The following RCSD1 variants were observed in gnomAD, a reference collection of about 807,000 sequenced individuals.
The protein encoded by RCSD1 is RCSD domain containing 1.
In RCSD1, 26 loss-of-function variants were observed where a neutral mutation model predicts 42.5. The ratio of observed to expected loss-of-function variants is 0.61; its 90% CI spans 0.45 to 0.85. The LOEUF (loss-of-function observed/expected upper bound fraction) is 0.85, where lower values mean the gene tolerates loss of function less well. RCSD1 is among the 40% of genes least tolerant of loss of function. The probability of loss-of-function intolerance (pLI) is 0.00; values close to 1 mark genes in which losing one functional copy is unlikely to be tolerated. For missense variants in RCSD1, 571 were observed against 528.3 expected (o/e 1.08, Z -0.79); for synonymous variants, 220 against 212.2 (o/e 1.04, Z -0.32).
chr1:167,645,404 G>A (rs945872), intron 1 of RCSD1, among the ~76,000 whole-genome samples: 11,767 of 152,200 alleles, frequency 0.077, 474 homozygotes, highest in South Asian at 0.092. Flanking sequence ...CAATAAGCTG[G>A]AGGTTTAGTG....
At chr1:167,652,712 AT>A (rs149908841) in intron 1 of RCSD1, among the ~76,000 whole-genome samples, 6 of 151,202 alleles carry the variant, frequency 4.0e-5, no homozygotes, top group East Asian at 3.9e-4. Flanking sequence ...AGCATGGGGG[AT>A]TTTTTTTTAG....
Position 167,630,266 on chromosome 1 carries a change from C to T in RCSD1, c.-158C>T. The T allele has an allele frequency of 5.7e-6, 4 of 707,600 alleles. No individual in the cohort carries two copies. The highest frequency in any genetic ancestry group is 3.9e-6 in the Non-Finnish European group (2 of 512,712). The allele number at this position is 707,600 out of a possible 1,614,324, so 43.8% of individuals were successfully genotyped here. A position where few individuals can be genotyped will look rare whatever the true frequency, so the allele number is the denominator to read the frequency against. On this transcript the variant is annotated 5_prime_UTR_variant, in exon 1 of 7. Transcript: ENST00000367854. ...AGGGCCCCCGCGGCCGGGGCAGTCC[C>T]GCAGCCGAGCGCAGCCGGGCGCGCG...
intron 1 of RCSD1, among the ~76,000 whole-genome samples, chr1:167,665,856 G>C (rs1471022469): frequency 2.6e-5 from 4 of 151,546 alleles, no homozygotes; most frequent in African/African-American, 9.7e-5. Flanking sequence ...CCGTTGCCCA[G>C]TCTGGAGTGC....
intron 1 of RCSD1, among the ~76,000 whole-genome samples, chr1:167,663,073 C>T (rs1369227326): frequency 1.3e-5 from 2 of 152,190 alleles, no homozygotes; most frequent in South Asian, 4.1e-4. Context: ...ACTGCTGGGT[C>T]AGTGGCCTCG....
At chr1:167,672,436 T>G (rs1658832595) in intron 1 of RCSD1, among the ~76,000 whole-genome samples, 1 of 152,174 alleles carries the variant, frequency 6.6e-6, no homozygotes, top group Non-Finnish European at 1.5e-5. Context: ...TAAAATCAAG[T>G]TTTTGGCAGG....
chr1:167,657,570 G>C (rs1658450775), intron 1 of RCSD1, among the ~76,000 whole-genome samples: 1 of 152,116 alleles, frequency 6.6e-6, no homozygotes, highest in African/African-American at 2.4e-5. Context: ...ATTTAGTAAT[G>C]AAATATCCTT....
chr1:167,651,181 A>C (rs1658296492), intron 1 of RCSD1, among the ~76,000 whole-genome samples: 1 of 152,184 alleles, frequency 6.6e-6, no homozygotes, highest in Admixed American at 6.5e-5. Flanking sequence ...ATTCTGTGGT[A>C]CTAGGGGTTA....
At chr1:167,682,844 A>AG (rs1659115186) in intron 1 of RCSD1, among the ~76,000 whole-genome samples, 1 of 152,142 alleles carries the variant, frequency 6.6e-6, no homozygotes, top group Admixed American at 6.5e-5. Flanking sequence ...AGACGTGAGG[A>AG]GGGGAAGTGC....
chr1:167,705,359 G>A lies in RCSD1; in HGVS notation c.*663G>A, dbSNP rs1054699775. On this transcript the variant is annotated 3_prime_UTR_variant, in exon 7 of 7. Coordinates refer to ENST00000367854, the MANE Select transcript of RCSD1 (RefSeq NM_052862.4). ...AAAAAAAAAAGTGCTCCATTCGCAGGAGCTTTTCCTGTCCTGTGGTTTTCC... is the reference window on the plus strand; with the variant it reads ...AAAAAAAAAAGTGCTCCATTCGCAGAAGCTTTTCCTGTCCTGTGGTTTTCC... 1.3e-5 allele frequency: 2 copies of A among 151,884 alleles called. No individual in the cohort carries two copies. Among genetic ancestry groups the A allele is most frequent in the African/African-American group, 4.8e-5 (2 of 41,382 alleles). 9.4% of individuals were successfully genotyped at this position (151,884 alleles called of 1,614,324 possible). A position where few individuals can be genotyped will look rare whatever the true frequency, so the allele number is the denominator to read the frequency against.
chr1:167,651,364 C>T (rs1304065861), intron 1 of RCSD1, among the ~76,000 whole-genome samples: 1 of 152,198 alleles, frequency 6.6e-6, no homozygotes, highest in African/African-American at 2.4e-5. Context: ...TTCTGGGTCC[C>T]ACCTTTCCCT....
intron 1 of RCSD1, among the ~76,000 whole-genome samples, chr1:167,668,332 TC>T (rs1448602467): frequency 1.3e-5 from 2 of 151,948 alleles, no homozygotes. Context: ...TTCTTTCAGT[TC>T]CTCAAACACC....
chr1:167,650,718 G>A (rs1354609012), intron 1 of RCSD1, among the ~76,000 whole-genome samples: 1 of 152,212 alleles, frequency 6.6e-6, no homozygotes, highest in East Asian at 1.9e-4. Context: ...TAAGCACAAA[G>A]CAGGGAGTGG....
intron 1 of RCSD1, among the ~76,000 whole-genome samples, chr1:167,643,174 A>T (rs1043805019): frequency 3.9e-5 from 6 of 152,200 alleles, no homozygotes; most frequent in Admixed American, 2.6e-4. Context: ...GCGTTCAATT[A>T]TTTCACAAAT....
chr1:167,684,099 G>T (rs1047021049), intron 2 of RCSD1, 98 bp downstream of exon 2: 5 of 953,532 alleles, frequency 5.2e-6, no homozygotes, highest in Non-Finnish European at 8.1e-6. Flanking sequence ...AGGCTTGGTA[G>T]TTACCAAATT....
intron 1 of RCSD1, among the ~76,000 whole-genome samples, chr1:167,649,372 G>C (rs1658246725): frequency 6.6e-6 from 1 of 152,144 alleles, no homozygotes; most frequent in Non-Finnish European, 1.5e-5. Flanking sequence ...AATTGCAAGG[G>C]GAGAGTCCAA....
intron 1 of RCSD1, among the ~76,000 whole-genome samples, chr1:167,679,127 C>T (rs998068564): frequency 2.0e-5 from 3 of 152,240 alleles, no homozygotes; most frequent in Admixed American, 6.5e-5. Flanking sequence ...ACTAAGTTAA[C>T]TCTTCCAGTA....
In RCSD1 at chr1:167,705,317, AATG is replaced by A. The variant is rs1340059953; in HGVS notation, c.*624_*626del. ...TTTAAAACACTGGACTAGAAGAGAT[AATG>A]ATTGAAACATTTAAAAAAAAAAAGT... On this transcript the variant is annotated 3_prime_UTR_variant, in exon 7 of 7. Transcript: ENST00000367854. 3 of 149,784 alleles carry A rather than the reference AATG, an allele frequency of 2.0e-5. No individual in the cohort carries two copies. In the Admixed American group the frequency reaches 2.0e-4, roughly 10 times the overall value. The allele number at this position is 149,784 out of a possible 1,614,324, so 9.3% of individuals were successfully genotyped here.
At chr1:167,658,923 A>T (rs1658484934) in intron 1 of RCSD1, among the ~76,000 whole-genome samples, 1 of 152,048 alleles carries the variant, frequency 6.6e-6, no homozygotes, top group African/African-American at 2.4e-5. Context: ...GGGTGAGCTG[A>T]AGGGTTTGTG....
chr1:167,702,449 A>G (rs1391278363), intron 6 of RCSD1, among the ~76,000 whole-genome samples: 2 of 152,244 alleles, frequency 1.3e-5, no homozygotes, highest in African/African-American at 4.8e-5. Context: ...AAAAGAGGGC[A>G]CAGAATCAGA....
Sources: gnomAD v4.1 joint callset for allele counts (sites outside exome capture counted in the v4.1 genomes callset) on GRCh38, gnomAD v4.1.1 for gene constraint, MANE v1.5 for transcripts, NCBI Gene and HGNC (gene_info 2026-07-23, HGNC 2026-07-21) for gene names.